The following TUBE1 variants were observed in gnomAD, a reference collection of about 807,000 sequenced individuals.
TUBE1 encodes the protein tubulin epsilon chain.
A neutral mutation model predicts 53.5 loss-of-function variants in TUBE1; 34 were observed. The ratio of observed to expected loss-of-function variants is 0.64; its 90% CI spans 0.48 to 0.85. The LOEUF (loss-of-function observed/expected upper bound fraction) is 0.85, where lower values mean the gene tolerates loss of function less well. TUBE1 is among the 40% of genes least tolerant of loss of function. The pLI, the probability that TUBE1 is intolerant of heterozygous loss-of-function variation, is 0.00. For missense variants in TUBE1, 532 were observed against 570.5 expected (o/e 0.93, Z 0.69); for synonymous variants, 177 against 198.4 (o/e 0.89, Z 0.91).
chr6:112,087,132 A>T, intron 2 of TUBE1, 101 bp downstream of exon 2: 2 of 1,007,774 alleles, frequency 2.0e-6, no homozygotes, highest in Non-Finnish European at 2.9e-6. Context: ...GATCCCATGC[A>T]TCTTAAACGG....
Position 112,070,964 on chromosome 6 carries a change from C to T in TUBE1, c.*448G>A, listed in dbSNP as rs1389796344. On this transcript the variant is annotated 3_prime_UTR_variant, in exon 12 of 12. Coordinates refer to ENST00000368662, the MANE Select transcript of TUBE1 (RefSeq NM_016262.5). Reference sequence around the variant, plus strand: ...AAACCTATGCCTGAAAAGTTGGTGGCTATTACACGGAAATATTTATATTGT... The same window carrying T: ...AAACCTATGCCTGAAAAGTTGGTGGTTATTACACGGAAATATTTATATTGT... The T allele has an allele frequency of 1.3e-5, 2 of 152,050 alleles. No individual in the cohort carries two copies. Among genetic ancestry groups the T allele is most frequent in the East Asian group, 3.8e-4 (2 of 5,202 alleles). 9.4% of individuals were successfully genotyped at this position (152,050 alleles called of 1,614,324 possible). A position where few individuals can be genotyped will look rare whatever the true frequency, so the allele number is the denominator to read the frequency against.
chr6:112,079,549 G>T, intron 6 of TUBE1, 84 bp downstream of exon 6: 2 of 1,392,264 alleles, frequency 1.4e-6, no homozygotes, highest in Non-Finnish European at 2.0e-6. Context: ...TCAAGCACAG[G>T]TCTAAAAACA....
At chr6:112,072,165 G>C in intron 10 of TUBE1, 89 bp from the exon 11 acceptor site, 1 of 924,248 alleles carries the variant, frequency 1.1e-6, no homozygotes, top group Non-Finnish European at 1.6e-6. Flanking sequence ...AGTTAAACCA[G>C]AACATTATGG....
rs184542791 is a variant in TUBE1, at chr6:112,074,765, C to A, written c.898G>T (p.Val300Leu). ...LVPFPQLHYLVSSLTPLYTLT... is the reference protein window; with the variant it reads ...LVPFPQLHYLLSSLTPLYTLT... ...GTATACAGAGGTGTTAGGCTTGACA[C>A]GAGATAATGAAGTTGAGGAAAAGGA... Residue 300 changes from valine to leucine, a missense_variant, in exon 9 of 12, where the codon GTG becomes TTG. Coordinates refer to ENST00000368662, the MANE Select transcript of TUBE1 (RefSeq NM_016262.5). The A allele has an allele frequency of 1.2e-6, 2 of 1,607,504 alleles. No homozygotes were observed. The highest frequency in any genetic ancestry group is 1.7e-6 in the Non-Finnish European group (2 of 1,177,170).
At chr6:112,086,862 A>G in intron 2 of TUBE1, 1 of 493,246 alleles carries the variant, frequency 2.0e-6, no homozygotes, top group Non-Finnish European at 3.6e-6. Flanking sequence ...AGGTCCATCA[A>G]ATGAGCGTTC....
At position 112,071,901 on chromosome 6, in the gene TUBE1, C is replaced by G; in HGVS notation, c.1269+1G>C. 6.3e-7 allele frequency: 1 copy of G among 1,594,144 alleles called. No homozygotes were observed. The highest frequency in any genetic ancestry group is 1.1e-5 in the South Asian group (1 of 87,020). ...CAGTTACAAAGCTGTACAATAATTA[C>G]CTTTTTCTTGTAGAGCCTCATGAAT... On this transcript the variant is annotated splice_donor_variant, in intron 11 of 11. Coordinates refer to ENST00000368662, the MANE Select transcript of TUBE1 (RefSeq NM_016262.5). LOFTEE classifies it high-confidence loss of function.
At chr6:112,081,848 G>A (rs587658462) in intron 4 of TUBE1, among the ~76,000 whole-genome samples, 8 of 150,000 alleles carry the variant, frequency 5.3e-5, no homozygotes, top group African/African-American at 1.2e-4. Flanking sequence ...CTAGTAAAAC[G>A]TAAAGCAGGG....
Position 112,075,928 on chromosome 6 carries a change from TAGA to T in TUBE1, c.812+6_812+8del. Reference sequence around the variant, plus strand: ...ATAAAGTTTTTTGACTATCCCTGGATAGAATTACCTCGTTAGGTTGAGGAGCAA... The same window carrying T: ...ATAAAGTTTTTTGACTATCCCTGGATATTACCTCGTTAGGTTGAGGAGCAA... On this transcript the variant is annotated splice_donor_region_variant and intron_variant, in intron 8 of 11. Coordinates refer to ENST00000368662, the MANE Select transcript of TUBE1 (RefSeq NM_016262.5). 6.3e-7 allele frequency: 1 copy of T among 1,591,790 alleles called. No individual in the cohort carries two copies. The highest frequency in any genetic ancestry group is 8.6e-7 in the Non-Finnish European group (1 of 1,167,944).
Position 112,072,032 on chromosome 6 carries a change from C to T in TUBE1, c.1139G>A (p.Trp380Ter), listed in dbSNP as rs782020620. 4 of 1,607,218 alleles carry T rather than the reference C, an allele frequency of 2.5e-6. No individual in the cohort carries two copies. Among genetic ancestry groups the T allele is most frequent in the Non-Finnish European group, 3.4e-6 (4 of 1,177,726 alleles). Reference sequence around the variant, plus strand: ...AGGTACGGAACACAGGCTGGTCTTCCAGCCTTCTTGATTCCAGGAGACAAA... The same window carrying T: ...AGGTACGGAACACAGGCTGGTCTTCTAGCCTTCTTGATTCCAGGAGACAAA... ...LQFVSWNQEG[W>*]KTSLCSVPPV... The change falls in exon 11 of 12, where the codon TGG becomes TAG. Residue 380 changes from tryptophan (W) to a stop codon, truncating the protein, a stop_gained. Transcript: ENST00000368662. LOFTEE classifies it high-confidence loss of function.
At chr6:112,085,371 C>T (rs1485474185) in intron 3 of TUBE1, 1 of 171,598 alleles carries the variant, frequency 5.8e-6, no homozygotes, top group Non-Finnish European at 1.2e-5. Flanking sequence ...AAGTATAAAA[C>T]ACACAGAGTA....
chr6:112,079,854 A>G lies in TUBE1; in HGVS notation c.327-100T>C, dbSNP rs981192890. 412 of 1,161,794 alleles carry G rather than the reference A, an allele frequency of 3.5e-4. 1 individual carries two copies. Among genetic ancestry groups the G allele is most frequent in the Non-Finnish European group, 4.7e-4 (386 of 824,330 alleles). 72.0% of individuals were successfully genotyped at this position (1,161,794 alleles called of 1,614,324 possible). ...AGGATTTTAAACAAATTTGAAAAGT[A>G]TTCTTATTGAGCTAAGTAAAGTCTA... On this transcript the variant is annotated intron_variant, in intron 5 of 11. Transcript: ENST00000368662.
chr6:112,084,145 T>TA (rs781818322), intron 4 of TUBE1, 44 bp downstream of exon 4: 2 of 1,460,158 alleles, frequency 1.4e-6, no homozygotes, highest in Non-Finnish European at 1.9e-6. Flanking sequence ...AATAGTTATT[T>TA]AAAAAATACA....
At chr6:112,076,294 A>G (rs1776966838) in intron 7 of TUBE1, 28 bp downstream of exon 7, 1 of 1,531,230 alleles carries the variant, frequency 6.5e-7, no homozygotes, top group Non-Finnish European at 8.8e-7. Context: ...TATAACATTT[A>G]TTCATAAGTT....
At chr6:112,079,421 T>TAA (rs60207053) in intron 6 of TUBE1, 2,466 of 309,562 alleles carry the variant, frequency 8.0e-3, no homozygotes, top group Middle Eastern at 0.012. Context: ...GGGCTTACAT[T>TAA]AAAAAAAAAA....
rs1243897707 is a variant in TUBE1, at chr6:112,087,067, T to C, written c.99+166A>G. Reference sequence around the variant, plus strand: ...AGGTCGCTGGCCAGTGTTCTTTTAGTTTAGTGTGTGTCTGACGCAACATGT... The same window carrying C: ...AGGTCGCTGGCCAGTGTTCTTTTAGCTTAGTGTGTGTCTGACGCAACATGT... On this transcript the variant is annotated intron_variant, in intron 2 of 11. Transcript: ENST00000368662. 4 of 647,288 alleles carry C rather than the reference T, an allele frequency of 6.2e-6. No homozygotes were observed. The Admixed American group carries it at 1.2e-4, about 20-fold the overall frequency. 40.1% of individuals were successfully genotyped at this position (647,288 alleles called of 1,614,324 possible).
At chr6:112,081,892 C>T (rs890655333) in intron 4 of TUBE1, among the ~76,000 whole-genome samples, 10 of 151,394 alleles carry the variant, frequency 6.6e-5, no homozygotes. Flanking sequence ...GTCCCGTCCT[C>T]CCACTTCCCT....
chr6:112,083,812 AC>A lies in TUBE1; in HGVS notation c.210+376del, dbSNP rs113704050. 7.1e-3 allele frequency: 1,202 copies of A among 169,958 alleles called. 27 individuals are homozygous for A. Among genetic ancestry groups the A allele is most frequent in the African/African-American group, 0.027 (1,141 of 41,968 alleles). 10.5% of individuals were successfully genotyped at this position (169,958 alleles called of 1,614,324 possible). On this transcript the variant is annotated intron_variant, in intron 4 of 11. Coordinates refer to ENST00000368662, the MANE Select transcript of TUBE1 (RefSeq NM_016262.5). The stretch of plus-strand genomic sequence containing the variant: ...CTTATATGGTGAATGGTTTTTATTC[AC>A]TACAATGTGGCTGGTTCCATGTTTT...
At position 112,076,041 on chromosome 6, in the gene TUBE1, T is replaced by G; in HGVS notation, c.708A>C (p.Pro236=). 6.2e-7 allele frequency: 1 copy of G among 1,613,982 alleles called. No homozygotes were observed. Among genetic ancestry groups the G allele is most frequent in the Non-Finnish European group, 8.5e-7 (1 of 1,179,924 alleles). Residue 236 remains proline (P), a synonymous_variant, in exon 8 of 12, where the codon CCA becomes CCC. Transcript: ENST00000368662. ...CAGAACTTGAAGTAACCAGACTCTT[T>G]GGCTTCACAGTTGTACCCAACTTTC... ...NSGKLGTTVK[P]KSLVTSSSGA...
At position 112,087,467 on chromosome 6, in the gene TUBE1, G is replaced by A. The variant is rs1554317604; in HGVS notation, c.-33C>T. The A allele has an allele frequency of 1.3e-6, 2 of 1,548,104 alleles. No individual in the cohort carries two copies. Among genetic ancestry groups the A allele is most frequent in the African/African-American group, 2.7e-5 (2 of 73,004 alleles). On this transcript the variant is annotated 5_prime_UTR_variant, in exon 1 of 12. Transcript: ENST00000368662. Reference sequence around the variant, plus strand: ...CGCCGCCGGCTCCGGGAGCTTGCTAGCCCGCGGCCGCTTCTGCATTCCCCC... The same window carrying A: ...CGCCGCCGGCTCCGGGAGCTTGCTAACCCGCGGCCGCTTCTGCATTCCCCC...
Sources: allele counts gnomAD v4.1 joint callset (sites outside exome capture counted in the v4.1 genomes callset), GRCh38; gene constraint gnomAD v4.1.1; transcripts MANE v1.5; gene names NCBI Gene and HGNC (gene_info 2026-07-23, HGNC 2026-07-21).